The following SPOCK3 variants were observed in gnomAD, a reference collection of about 807,000 sequenced individuals.
The protein encoded by SPOCK3 is testican-3.
In SPOCK3, 30 loss-of-function variants were observed where a neutral mutation model predicts 56.6. The observed-to-expected ratio is 0.53, with a 90% CI of 0.40 to 0.72. The LOEUF (loss-of-function observed/expected upper bound fraction) is 0.72. Among genes scored for constraint, SPOCK3 ranks in the 30% least tolerant of loss-of-function variants. The pLI, the probability that SPOCK3 is intolerant of heterozygous loss-of-function variation, is 0.00. For synonymous variants in SPOCK3, 196 were observed against 183.3 expected (o/e 1.07, Z -0.56); for missense variants, 527 against 530.0 (o/e 0.99, Z 0.06).
At chr4:167,152,034 A>T (rs1764468714) in intron 2 of SPOCK3, among the ~76,000 whole-genome samples, 1 of 152,194 alleles carries the variant, frequency 6.6e-6, no homozygotes, top group South Asian at 2.1e-4. Context: ...TTTTTACTTA[A>T]AATTTAAAAT....
At chr4:167,221,863 G>A (rs984549198) in intron 2 of SPOCK3, among the ~76,000 whole-genome samples, 4 of 152,124 alleles carry the variant, frequency 2.6e-5, no homozygotes, top group African/African-American at 9.7e-5. Flanking sequence ...GAGTAGGACT[G>A]TAAAACAGCG....
chr4:167,152,626 C>T (rs953305174), intron 2 of SPOCK3, among the ~76,000 whole-genome samples: 16 of 152,208 alleles, frequency 1.1e-4, no homozygotes, highest in Non-Finnish European at 1.5e-4. Context: ...AATCACTGTG[C>T]ACTTAAATAG....
intron 2 of SPOCK3, among the ~76,000 whole-genome samples, chr4:167,178,860 A>AT (rs1251583268): frequency 6.6e-6 from 1 of 152,120 alleles, no homozygotes; most frequent in Non-Finnish European, 1.5e-5. Flanking sequence ...AAAATGGTAT[A>AT]TTTTTATATC....
In SPOCK3 at chr4:166,738,591, G is replaced by C. The variant is rs576394289; in HGVS notation, c.995-987C>G. ...CCATTAACTCGTCACTTAGCATTAG[G>C]TATATCTCCTAATGCTATCCCTCCC... On this transcript the variant is annotated intron_variant, in intron 9 of 10. Transcript: ENST00000357545. 5.9e-3 allele frequency among the ~76,000 whole-genome samples: 869 copies of C among 147,634 alleles called. 8 individuals are homozygous for C. The highest frequency in any genetic ancestry group is 0.02 in the African/African-American group (817 of 40,044).
At chr4:166,812,709 T>C (rs766567931) in intron 6 of SPOCK3, among the ~76,000 whole-genome samples, 4 of 152,008 alleles carry the variant, frequency 2.6e-5, no homozygotes, top group Non-Finnish European at 5.9e-5. Flanking sequence ...ACTTTTCTAC[T>C]TTGGGATATA....
chr4:166,976,866 C>T (rs1173953484), intron 4 of SPOCK3, among the ~76,000 whole-genome samples: 1 of 151,684 alleles, frequency 6.6e-6, no homozygotes, highest in Non-Finnish European at 1.5e-5. Flanking sequence ...ATAAAAATCT[C>T]ACAGATATTA....
chr4:166,745,137 A>T (rs1318286859), intron 8 of SPOCK3, among the ~76,000 whole-genome samples: 1 of 152,130 alleles, frequency 6.6e-6, no homozygotes, highest in Non-Finnish European at 1.5e-5. Context: ...TATACAGAGA[A>T]CACCACAAAG....
chr4:166,794,029 C>T (rs538808515), intron 6 of SPOCK3, among the ~76,000 whole-genome samples: 3 of 151,858 alleles, frequency 2.0e-5, no homozygotes, highest in Non-Finnish European at 4.4e-5. Flanking sequence ...AGAGTGTGTG[C>T]TCTGTGCCCA....
At chr4:167,105,645 T>G (rs1412420960) in intron 2 of SPOCK3, among the ~76,000 whole-genome samples, 1 of 151,124 alleles carries the variant, frequency 6.6e-6, no homozygotes, top group Non-Finnish European at 1.5e-5. Flanking sequence ...TGGACTAAAT[T>G]GAAATGTTAA....
intron 2 of SPOCK3, among the ~76,000 whole-genome samples, chr4:167,176,403 ACTTCAT>A (rs1416710166): frequency 1.3e-5 from 2 of 152,154 alleles, no homozygotes; most frequent in Admixed American, 6.6e-5. Context: ...CTCACCAACT[ACTTCAT>A]CTTCATCTTC....
At chr4:167,010,079 G>C (rs1012461272) in intron 3 of SPOCK3, among the ~76,000 whole-genome samples, 19 of 152,028 alleles carry the variant, frequency 1.2e-4, no homozygotes, top group Non-Finnish European at 7.4e-5. Flanking sequence ...ATAAGTGGGT[G>C]GGGGGAGTAA....
chr4:167,142,545 G>C (rs1763623219), intron 2 of SPOCK3, among the ~76,000 whole-genome samples: 2 of 151,974 alleles, frequency 1.3e-5, no homozygotes, highest in Non-Finnish European at 2.9e-5. Context: ...AAGATAGAAA[G>C]GGTATAGTTA....
chr4:167,221,721 T>C (rs758153776), intron 2 of SPOCK3, among the ~76,000 whole-genome samples: 25 of 152,114 alleles, frequency 1.6e-4, no homozygotes, highest in Non-Finnish European at 8.8e-5. Context: ...TTTCTAATCA[T>C]TAGGGCAATG....
At chr4:166,908,561 C>A (rs558752104) in intron 5 of SPOCK3, among the ~76,000 whole-genome samples, 44 of 144,718 alleles carry the variant, frequency 3.0e-4, no homozygotes, top group African/African-American at 1.1e-3. Context: ...CACACACACA[C>A]AATTTTATGA....
chr4:166,755,288 G>T (rs186832430), intron 7 of SPOCK3, among the ~76,000 whole-genome samples: 1 of 151,978 alleles, frequency 6.6e-6, no homozygotes, highest in East Asian at 1.9e-4. Context: ...CAGCCACTTG[G>T]TCTCCTGCTT....
chr4:166,999,436 G>T (rs1480040703), intron 4 of SPOCK3, among the ~76,000 whole-genome samples: 1 of 152,026 alleles, frequency 6.6e-6, no homozygotes. Flanking sequence ...ATTTTCCAAT[G>T]TTATTATTCT....
intron 4 of SPOCK3, among the ~76,000 whole-genome samples, chr4:166,934,213 G>A (rs893419899): frequency 1.6e-4 from 24 of 151,920 alleles, no homozygotes; most frequent in African/African-American, 3.9e-4. Flanking sequence ...AGTCACGGCC[G>A]GGCGCAGTGG....
At chr4:167,195,737 G>A (rs1262565361) in intron 2 of SPOCK3, among the ~76,000 whole-genome samples, 1 of 152,180 alleles carries the variant, frequency 6.6e-6, no homozygotes, top group Non-Finnish European at 1.5e-5. Flanking sequence ...GTTCACAGGA[G>A]GATGGGATTG....
chr4:166,738,436 ATTT>A (rs1367376476), intron 9 of SPOCK3, among the ~76,000 whole-genome samples: 2 of 151,168 alleles, frequency 1.3e-5, no homozygotes, highest in Non-Finnish European at 2.9e-5. Context: ...TTATTTATTT[ATTT>A]ATTTAATTTT....
Sources: gnomAD v4.1 joint callset for allele counts (sites outside exome capture counted in the v4.1 genomes callset) on GRCh38, gnomAD v4.1.1 for gene constraint, MANE v1.5 for transcripts, NCBI Gene and HGNC (gene_info 2026-07-23, HGNC 2026-07-21) for gene names.